ERC2: variants seen among roughly 807,000 people sequenced by gnomAD.
The protein encoded by ERC2 is ELKS/RAB6-interacting/CAST family member 2.
Under a neutral mutation model 114.8 loss-of-function variants are expected in ERC2, and 42 were observed. That is an observed-to-expected ratio of 0.37 (90% CI 0.29 to 0.47). ERC2 has a LOEUF of 0.47. Among genes scored for constraint, ERC2 ranks in the 20% least tolerant of loss-of-function variants. The pLI, the probability that ERC2 is intolerant of heterozygous loss-of-function variation, is 0.99. For synonymous variants in ERC2, 454 were observed against 425.5 expected, an observed-to-expected ratio of 1.07 and a Z score of -0.82; for missense variants, 939 against 1,150.7, an observed-to-expected ratio of 0.82 and a Z score of 2.66.
intron 8 of ERC2, among the ~76,000 whole-genome samples, chr3:56,012,799 C>T (rs1004884973): frequency 3.9e-5 from 6 of 152,206 alleles, no homozygotes; most frequent in African/African-American, 1.4e-4. Context: ...GGCCAGATGT[C>T]AAAAACATGT....
intron 14 of ERC2, among the ~76,000 whole-genome samples, chr3:55,761,555 G>A (rs2067431558): frequency 6.6e-6 from 1 of 152,096 alleles, no homozygotes; most frequent in Non-Finnish European, 1.5e-5. Context: ...AAATGCATGT[G>A]GCTGTGTCCT....
rs2071412998 is a variant in ERC2, at chr3:55,995,211, T to C, written c.2062-2961A>G. On this transcript the variant is annotated intron_variant, in intron 10 of 17. Transcript: ENST00000288221. The stretch of plus-strand genomic sequence containing the variant: ...AACTGGGCATTGAGGCACACGCCTG[T>C]AGTCCCAGCTATTCAGGAGGCTGAG... 2.0e-5 allele frequency among the ~76,000 whole-genome samples: 3 copies of C among 152,148 alleles called. No homozygotes were observed. The South Asian group carries it at 6.2e-4, about 32-fold the overall frequency.
At chr3:56,071,484 T>C (rs1196982782) in intron 7 of ERC2, among the ~76,000 whole-genome samples, 3 of 152,220 alleles carry the variant, frequency 2.0e-5, no homozygotes, top group Non-Finnish European at 4.4e-5. Context: ...TCTTCAAGAC[T>C]GTCCAGGCTT....
At chr3:55,522,299 C>T (rs1026733447) in intron 17 of ERC2, among the ~76,000 whole-genome samples, 1 of 152,170 alleles carries the variant, frequency 6.6e-6, no homozygotes, top group Non-Finnish European at 1.5e-5. Flanking sequence ...TATGCTGCCT[C>T]TCTGGGCCCT....
intron 8 of ERC2, among the ~76,000 whole-genome samples, chr3:56,013,778 G>A (rs908005801): frequency 1.4e-4 from 21 of 152,104 alleles, no homozygotes; most frequent in African/African-American, 3.6e-4. Flanking sequence ...AGAACCCTTC[G>A]GTATATTTAA....
intron 17 of ERC2, among the ~76,000 whole-genome samples, chr3:55,543,263 A>C (rs2054519997): frequency 1.3e-5 from 2 of 152,232 alleles, no homozygotes; most frequent in Non-Finnish European, 2.9e-5. Flanking sequence ...AAATATCTGC[A>C]CTTGGAGGGA....
intron 2 of ERC2, among the ~76,000 whole-genome samples, chr3:56,309,776 T>C (rs1487102982): frequency 6.6e-6 from 1 of 152,184 alleles, no homozygotes; most frequent in Non-Finnish European, 1.5e-5. Flanking sequence ...GCTTGGCACA[T>C]AATGAATGCT....
chr3:56,216,672 G>T (rs1417726422), intron 3 of ERC2, among the ~76,000 whole-genome samples: 6 of 152,094 alleles, frequency 3.9e-5, no homozygotes, highest in Non-Finnish European at 8.8e-5. Flanking sequence ...ACCAAAGCCT[G>T]GCAGAGACAC....
chr3:55,793,974 T>C (rs2070268412), intron 14 of ERC2, among the ~76,000 whole-genome samples: 1 of 152,224 alleles, frequency 6.6e-6, no homozygotes, highest in Admixed American at 6.5e-5. Flanking sequence ...CAGATTAGAA[T>C]TTCTTTCTGG....
At chr3:56,410,834 T>C (rs956733594) in intron 2 of ERC2, among the ~76,000 whole-genome samples, 6 of 152,158 alleles carry the variant, frequency 3.9e-5, no homozygotes, top group African/African-American at 1.4e-4. Context: ...TATGTTGTGA[T>C]AGATTATCTG....
intron 17 of ERC2, among the ~76,000 whole-genome samples, chr3:55,624,997 C>A (rs1186785886): frequency 6.6e-6 from 1 of 151,922 alleles, no homozygotes; most frequent in Non-Finnish European, 1.5e-5. Flanking sequence ...TTATTACATA[C>A]CCCATCCATT....
chr3:56,464,387 G>A (rs937323121), intron 1 of ERC2, among the ~76,000 whole-genome samples: 1 of 152,202 alleles, frequency 6.6e-6, no homozygotes, highest in Admixed American at 6.5e-5. Context: ...CACATGTGGA[G>A]GAGACTGGAA....
chr3:56,037,258 C>T (rs2149646594), intron 7 of ERC2, among the ~76,000 whole-genome samples: 1 of 152,242 alleles, frequency 6.6e-6, no homozygotes, highest in South Asian at 2.1e-4. Flanking sequence ...CTTCACTGCG[C>T]TAAAGGAGTA....
intron 7 of ERC2, among the ~76,000 whole-genome samples, chr3:56,050,983 G>A (rs952512137): frequency 1.3e-5 from 2 of 152,176 alleles, no homozygotes; most frequent in African/African-American, 2.4e-5. Flanking sequence ...GAAAGCACAT[G>A]AGAAACTCAT....
chr3:55,961,558 C>G (rs1369847780), intron 12 of ERC2, among the ~76,000 whole-genome samples: 2 of 152,196 alleles, frequency 1.3e-5, no homozygotes, highest in African/African-American at 4.8e-5. Flanking sequence ...CTTCTCTACA[C>G]TAAGGGTCTA....
chr3:55,536,023 A>G (rs920560523), intron 17 of ERC2, among the ~76,000 whole-genome samples: 3 of 152,252 alleles, frequency 2.0e-5, no homozygotes, highest in African/African-American at 7.2e-5. Context: ...CAACAACAAC[A>G]AAAAAACAAT....
intron 2 of ERC2, among the ~76,000 whole-genome samples, chr3:56,381,270 G>A (rs2059740492): frequency 2.0e-5 from 3 of 152,100 alleles, no homozygotes; most frequent in South Asian, 4.1e-4. Context: ...CCCAATGAAG[G>A]AAAAGGGCAT....
At chr3:55,597,321 G>A (rs999078788) in intron 17 of ERC2, among the ~76,000 whole-genome samples, 2 of 151,508 alleles carry the variant, frequency 1.3e-5, no homozygotes, top group Non-Finnish European at 2.9e-5. Flanking sequence ...TTGAGAGGCT[G>A]AGGCAGGAGA....
chr3:56,002,498 C>T (rs922605597), intron 10 of ERC2, among the ~76,000 whole-genome samples: 1 of 152,102 alleles, frequency 6.6e-6, no homozygotes, highest in Non-Finnish European at 1.5e-5. Flanking sequence ...GCACCTGGCT[C>T]ATTTTACAAA....
Sources: gnomAD v4.1 joint callset for allele counts (sites outside exome capture counted in the v4.1 genomes callset) on GRCh38, gnomAD v4.1.1 for gene constraint, MANE v1.5 for transcripts, NCBI Gene and HGNC (gene_info 2026-07-23, HGNC 2026-07-21) for gene names.